MAP4K3: variants seen among roughly 807,000 people sequenced by gnomAD.
MAP4K3 encodes the protein MAPK/ERK kinase kinase kinase 3.
A neutral mutation model predicts 143.5 loss-of-function variants in MAP4K3; 94 were observed. That is an observed-to-expected ratio of 0.65 (90% CI 0.55 to 0.78). The LOEUF (loss-of-function observed/expected upper bound fraction) is 0.78. MAP4K3 is among the 30% of genes least tolerant of loss of function. MAP4K3 has a pLI of 0.00. For missense variants in MAP4K3, 1,077 were observed against 1,068.1 expected (o/e 1.01, Z -0.12); for synonymous variants, 416 against 347.2 (o/e 1.20, Z -2.20).
At chr2:39,428,242 T>G (rs1665159345) in intron 1 of MAP4K3, among the ~76,000 whole-genome samples, 1 of 152,236 alleles carries the variant, frequency 6.6e-6, no homozygotes, top group Non-Finnish European at 1.5e-5. Context: ...AACCTAGCAG[T>G]GTTATTTTTC....
intron 20 of MAP4K3, 67 bp downstream of exon 20, chr2:39,288,054 G>T: frequency 6.4e-7 from 1 of 1,568,200 alleles, no homozygotes; most frequent in Non-Finnish European, 8.7e-7. Context: ...TCTCTTAAAA[G>T]AAAGTTTTTT....
chr2:39,425,325 A>G (rs371021230), intron 1 of MAP4K3, among the ~76,000 whole-genome samples: 1 of 152,234 alleles, frequency 6.6e-6, no homozygotes, highest in African/African-American at 2.4e-5. Flanking sequence ...GAATACAAAG[A>G]CTTGAAAAAG....
chr2:39,328,329 TCAAAAAC>T (rs1388741992), intron 8 of MAP4K3, among the ~76,000 whole-genome samples: 1 of 152,036 alleles, frequency 6.6e-6, no homozygotes, highest in Non-Finnish European at 1.5e-5. Flanking sequence ...AGACCCCATC[TCAAAAAC>T]CAAAAACAAA....
rs764370900 is a variant in MAP4K3 at position 39,396,695 on chromosome 2, G to C, written c.97-18572C>G. On this transcript the variant is annotated intron_variant, in intron 1 of 33. Coordinates refer to ENST00000263881, the MANE Select transcript of MAP4K3 (RefSeq NM_003618.4). ...TCACCCTGTTAATCAGGATGGTCTCGATCTCCTGACCTTGTGATCCGCCCG... is the reference window on the plus strand; with the variant it reads ...TCACCCTGTTAATCAGGATGGTCTCCATCTCCTGACCTTGTGATCCGCCCG... Among the ~76,000 whole-genome samples the C allele has an allele frequency of 1.3e-5, 2 of 151,954 alleles. 1 individual carries two copies. Among genetic ancestry groups the C allele is most frequent in the Non-Finnish European group, 2.9e-5 (2 of 67,994 alleles).
At chr2:39,259,803 T>C (rs3770673) in intron 29 of MAP4K3, among the ~76,000 whole-genome samples, 104,676 of 152,106 alleles carry the variant, frequency 0.69, 39,845 homozygotes, top group Non-Finnish European at 0.84. Context: ...AATTGGCATT[T>C]AATTTGTAAT....
intron 1 of MAP4K3, among the ~76,000 whole-genome samples, chr2:39,389,431 G>C (rs966328383): frequency 3.9e-5 from 6 of 152,182 alleles, no homozygotes; most frequent in Middle Eastern, 3.4e-3. Context: ...CAAAACCTCA[G>C]ATTCAGAAGA....
At chr2:39,389,973 C>A (rs1475700276) in intron 1 of MAP4K3, among the ~76,000 whole-genome samples, 1 of 152,116 alleles carries the variant, frequency 6.6e-6, no homozygotes, top group Non-Finnish European at 1.5e-5. Context: ...TTAAATTGCT[C>A]TGAAGACTTT....
chr2:39,351,733 A>G (rs932240130), intron 3 of MAP4K3, among the ~76,000 whole-genome samples: 1 of 152,238 alleles, frequency 6.6e-6, no homozygotes, highest in East Asian at 1.9e-4. Context: ...TAGTGGAGTG[A>G]TCTTGGCTCA....
intron 1 of MAP4K3, among the ~76,000 whole-genome samples, chr2:39,389,477 A>G (rs1666595433): frequency 6.6e-6 from 1 of 152,180 alleles, no homozygotes; most frequent in Non-Finnish European, 1.5e-5. Context: ...CAAGAAATCC[A>G]CATCTAGACA....
intron 23 of MAP4K3, among the ~76,000 whole-genome samples, chr2:39,278,772 T>C (rs1681384476): frequency 6.6e-6 from 1 of 152,196 alleles, no homozygotes; most frequent in Non-Finnish European, 1.5e-5. Context: ...GCAAAGGATC[T>C]GCAGCTCCTT....
chr2:39,413,099 GA>G (rs1667274362), intron 1 of MAP4K3, among the ~76,000 whole-genome samples: 1 of 152,198 alleles, frequency 6.6e-6, no homozygotes, highest in African/African-American at 2.4e-5. Context: ...GAAATGAGCA[GA>G]AAGTACATCT....
At chr2:39,347,705 T>G (rs1665336039) in intron 3 of MAP4K3, among the ~76,000 whole-genome samples, 1 of 152,144 alleles carries the variant, frequency 6.6e-6, no homozygotes, top group South Asian at 2.1e-4. Context: ...AAATTGCTCC[T>G]GGAACTCGGT....
chr2:39,414,668 G>A (rs1354737558), intron 1 of MAP4K3, among the ~76,000 whole-genome samples: 1 of 152,174 alleles, frequency 6.6e-6, no homozygotes, highest in Non-Finnish European at 1.5e-5. Context: ...GACATCAGGA[G>A]ATCGAGACCA....
At chr2:39,366,485 A>G (rs1665928401) in intron 2 of MAP4K3, among the ~76,000 whole-genome samples, 1 of 152,166 alleles carries the variant, frequency 6.6e-6, no homozygotes, top group South Asian at 2.1e-4. Flanking sequence ...AGACGAAGAA[A>G]TGTTTCTCTT....
chr2:39,325,562 G>T lies in MAP4K3; in HGVS notation c.874C>A (p.Pro292Thr). The stretch of plus-strand genomic sequence containing the variant: ...AAATCATGGTAAGTGGAATGATCTG[G>T]ATTATTTACTTTATCCAACAGCTCG... ...AIELLDKVNNPDHSTYHDFDD... is the reference protein window; with the variant it reads ...AIELLDKVNNTDHSTYHDFDD... The change falls in exon 12 of 34, where the codon CCA (proline) becomes ACA (threonine). Residue 292 changes from proline to threonine, a missense_variant. Pro to Thr is a conservative substitution (Grantham distance 38). This residue lies in a region of MAP4K3 where 864 missense variants were observed against 801.2 expected (regional missense o/e 1.08). Coordinates refer to ENST00000263881, the MANE Select transcript of MAP4K3 (RefSeq NM_003618.4). The T allele has an allele frequency of 6.2e-7, 1 of 1,612,954 alleles. No individual in the cohort carries two copies. The highest frequency in any genetic ancestry group is 8.5e-7 in the Non-Finnish European group (1 of 1,179,686).
chr2:39,343,548 A>C (rs1434133585), intron 3 of MAP4K3, 96 bp from the exon 4 acceptor site: 2 of 877,680 alleles, frequency 2.3e-6, no homozygotes, highest in Non-Finnish European at 3.7e-6. Flanking sequence ...TAACACTGAA[A>C]AACAACAAAT....
chr2:39,392,088 G>A (rs1443403314), intron 1 of MAP4K3, among the ~76,000 whole-genome samples: 1 of 146,114 alleles, frequency 6.8e-6, no homozygotes, highest in Non-Finnish European at 1.5e-5. Context: ...GGGAGGCTGT[G>A]GTAGGAGAAT....
intron 2 of MAP4K3, among the ~76,000 whole-genome samples, chr2:39,373,256 T>C (rs1247058722): frequency 1.3e-5 from 2 of 152,208 alleles, no homozygotes. Context: ...CTCCCCTTAT[T>C]CAAAATGCCT....
intron 31 of MAP4K3, among the ~76,000 whole-genome samples, chr2:39,256,161 T>C (rs1680334810): frequency 6.6e-6 from 1 of 152,256 alleles, no homozygotes; most frequent in Non-Finnish European, 1.5e-5. Flanking sequence ...GTTACTCATA[T>C]CCAGCAACTC....
Sources: gnomAD v4.1 joint callset for allele counts (sites outside exome capture counted in the v4.1 genomes callset) on GRCh38, gnomAD v4.1.1 for gene constraint, gnomAD v4.1.1 regional missense constraint, MANE v1.5 for transcripts, NCBI Gene and HGNC (gene_info 2026-07-23, HGNC 2026-07-21) for gene names.